The following FAM53B variants were observed in gnomAD, a reference collection of about 807,000 sequenced individuals.
FAM53B encodes family with sequence similarity 53 member B.
A neutral mutation model predicts 32.7 loss-of-function variants in FAM53B; 12 were observed. That is an observed-to-expected ratio of 0.37 (90% confidence interval 0.24 to 0.59). The LOEUF is 0.59. Ranked by LOEUF, FAM53B falls within the 20% of genes least tolerant of loss-of-function variation. The pLI is 0.72. For synonymous variants in FAM53B, 234 were observed against 228.7 expected, an observed-to-expected ratio of 1.02 and a Z score of -0.21; for missense variants, 477 against 577.7, an observed-to-expected ratio of 0.83 and a Z score of 1.79.
chr10:124,624,320 G>A (rs907554855), intron 4 of FAM53B, among the ~76,000 whole-genome samples: 2 of 152,196 alleles, frequency 1.3e-5, no homozygotes, highest in Non-Finnish European at 2.9e-5. Flanking sequence ...CAGGGAGCTG[G>A]GGAAACATGA....
At chr10:124,679,408 G>A (rs954774874) in intron 4 of FAM53B, among the ~76,000 whole-genome samples, 1 of 152,190 alleles carries the variant, frequency 6.6e-6, no homozygotes, top group African/African-American at 2.4e-5. Flanking sequence ...CCGTGCACTC[G>A]CCAGGGCTCT....
At position 124,706,882 on chromosome 10, in the gene FAM53B, A is replaced by T. The variant is rs1011412411; in HGVS notation, c.-169T>A. The T allele has an allele frequency of 3.5e-5, 51 of 1,446,552 alleles. No homozygotes were observed. Among genetic ancestry groups the T allele is most frequent in the Non-Finnish European group, 4.3e-5 (47 of 1,103,706 alleles). 89.6% of individuals were successfully genotyped at this position (1,446,552 alleles called of 1,614,324 possible). ...TTCTGGGAAATGGCCAAATGTGGTC[A>T]ACTCCCTGGAAAGACAAAAGAAAAG... On this transcript the variant is annotated 5_prime_UTR_variant, in exon 2 of 5. Coordinates refer to ENST00000337318, the MANE Select transcript of FAM53B (RefSeq NM_014661.4).
In FAM53B at chr10:124,701,701, T is replaced by A. The variant is rs1226471310; in HGVS notation, c.78+4935A>T. Among the ~76,000 whole-genome samples the A allele has an allele frequency of 2.0e-5, 3 of 151,796 alleles. No homozygotes were observed. The East Asian group carries it at 5.8e-4, about 29-fold the overall frequency. On this transcript the variant is annotated intron_variant, in intron 2 of 4. Transcript: ENST00000337318. ...CAGCAGAGGAAGGCACTGGCCAGAG[T>A]GGGGGAAAGGGGAACTGGACCCAGC...
intron 4 of FAM53B, among the ~76,000 whole-genome samples, chr10:124,653,519 G>A (rs950444303): frequency 1.3e-5 from 2 of 152,216 alleles, no homozygotes; most frequent in African/African-American, 2.4e-5. Context: ...GATGGGCTGC[G>A]GGCCCCTGCC....
intron 4 of FAM53B, among the ~76,000 whole-genome samples, chr10:124,670,372 A>G (rs1445133766): frequency 6.6e-6 from 1 of 152,132 alleles, no homozygotes; most frequent in Non-Finnish European, 1.5e-5. Flanking sequence ...AAGGCAGGTG[A>G]CTGAGTATCC....
intron 3 of FAM53B, among the ~76,000 whole-genome samples, chr10:124,684,222 C>A (rs545111382): frequency 1.4e-3 from 216 of 152,382 alleles, no homozygotes; most frequent in African/African-American, 4.5e-3. Flanking sequence ...GGCAAGCCAG[C>A]TGCAACAAAG....
At chr10:124,696,244 C>T (rs1949869349) in intron 2 of FAM53B, 32 bp from the exon 3 acceptor site, 1 of 1,596,268 alleles carries the variant, frequency 6.3e-7, no homozygotes, top group East Asian at 2.2e-5. Context: ...ATTCACTCTT[C>T]AAATCATAGG....
intron 3 of FAM53B, among the ~76,000 whole-genome samples, chr10:124,693,452 G>GT (rs1254603152): frequency 6.7e-6 from 1 of 150,270 alleles, no homozygotes; most frequent in African/African-American, 2.5e-5. Context: ...CCTGGCGACA[G>GT]TGAGACTCTG....
chr10:124,686,218 T>C (rs998794525), intron 3 of FAM53B, among the ~76,000 whole-genome samples: 4 of 152,206 alleles, frequency 2.6e-5, no homozygotes, highest in Non-Finnish European at 5.9e-5. Context: ...AGATAAGATC[T>C]ATATGCAGAA....
At chr10:124,635,476 A>G (rs1387497825) in intron 4 of FAM53B, among the ~76,000 whole-genome samples, 1 of 152,260 alleles carries the variant, frequency 6.6e-6, no homozygotes, top group African/African-American at 2.4e-5. Flanking sequence ...TCAACTGATT[A>G]GAAAAACGCA....
chr10:124,635,916 CCT>C (rs1949427839), intron 4 of FAM53B, among the ~76,000 whole-genome samples: 1 of 152,272 alleles, frequency 6.6e-6, no homozygotes, highest in African/African-American at 2.4e-5. Context: ...GCTATTATCT[CCT>C]CTGTTATAAT....
intron 1 of FAM53B, among the ~76,000 whole-genome samples, chr10:124,734,005 T>C (rs1950160909): frequency 6.6e-6 from 1 of 152,194 alleles, no homozygotes; most frequent in African/African-American, 2.4e-5. Flanking sequence ...CCGTTCTTCA[T>C]CTGTCTAAAC....
intron 4 of FAM53B, among the ~76,000 whole-genome samples, chr10:124,663,747 G>A (rs1026877939): frequency 1.3e-5 from 2 of 152,074 alleles, no homozygotes; most frequent in Non-Finnish European, 2.9e-5. Flanking sequence ...ACAAGGGTTC[G>A]TCATGGGCCT....
chr10:124,708,018 A>C (rs1004364867), intron 1 of FAM53B: 1 of 152,182 alleles, frequency 6.6e-6, no homozygotes, highest in Non-Finnish European at 1.5e-5. Context: ...TTATAAACTC[A>C]TGTCTCTGAT....
At chr10:124,735,177 G>A (rs950248362) in intron 1 of FAM53B, among the ~76,000 whole-genome samples, 9 of 152,290 alleles carry the variant, frequency 5.9e-5, no homozygotes, top group Admixed American at 5.9e-4. Flanking sequence ...CACCTAAAGA[G>A]AATCCAGAAG....
At chr10:124,627,930 G>A (rs968851870) in intron 4 of FAM53B, among the ~76,000 whole-genome samples, 1 of 152,154 alleles carries the variant, frequency 6.6e-6, no homozygotes, top group African/African-American at 2.4e-5. Context: ...AAGGTGGCCT[G>A]GTCCTTGCCT....
At chr10:124,705,913 A>C (rs1308730775) in intron 2 of FAM53B, among the ~76,000 whole-genome samples, 1 of 152,206 alleles carries the variant, frequency 6.6e-6, no homozygotes, top group East Asian at 1.9e-4. Context: ...CTTCCTGATC[A>C]CGGAAGCTGC....
chr10:124,687,323 T>C (rs1312007561), intron 3 of FAM53B, among the ~76,000 whole-genome samples: 1 of 151,636 alleles, frequency 6.6e-6, no homozygotes, highest in East Asian at 1.9e-4. Context: ...CACAAACAAC[T>C]ATAACTCTTT....
chr10:124,724,726 C>T (rs1214863127), intron 1 of FAM53B, among the ~76,000 whole-genome samples: 2 of 152,226 alleles, frequency 1.3e-5, no homozygotes, highest in Non-Finnish European at 2.9e-5. Context: ...AGCCGTGACC[C>T]AAGCAGCTCG....
Sources: allele counts gnomAD v4.1 joint callset (sites outside exome capture counted in the v4.1 genomes callset), GRCh38; gene constraint gnomAD v4.1.1; transcripts MANE v1.5; gene names NCBI Gene and HGNC (gene_info 2026-07-23, HGNC 2026-07-21).